AGBL4: variants seen among roughly 807,000 people sequenced by gnomAD.
AGBL4 encodes AGBL carboxypeptidase 4.
A neutral mutation model predicts 66.4 loss-of-function variants in AGBL4; 58 were observed. The ratio of observed to expected loss-of-function variants is 0.87; its 90% CI spans 0.71 to 1.09. The LOEUF is 1.09. Among genes scored for constraint, AGBL4 ranks in the 50% least tolerant of loss-of-function variants. The pLI is 0.00. For missense variants in AGBL4, 579 were observed against 631.0 expected (o/e 0.92, Z 0.88); for synonymous variants, 234 against 222.9 (o/e 1.05, Z -0.44).
At chr1:49,877,687 G>A (rs182811752) in intron 1 of AGBL4, among the ~76,000 whole-genome samples, 2 of 152,046 alleles carry the variant, frequency 1.3e-5, no homozygotes, top group South Asian at 2.1e-4. Flanking sequence ...ATGAGTTAGG[G>A]AGGATTCCCT....
intron 3 of AGBL4, among the ~76,000 whole-genome samples, chr1:49,535,837 G>T (rs548734544): frequency 2.6e-4 from 39 of 152,206 alleles, no homozygotes; most frequent in African/African-American, 9.4e-4. Flanking sequence ...GACTACAGGT[G>T]CCTGCCACCA....
chr1:49,269,547 A>G (rs1644007678), intron 3 of AGBL4, among the ~76,000 whole-genome samples: 1 of 152,154 alleles, frequency 6.6e-6, no homozygotes, highest in Non-Finnish European at 1.5e-5. Context: ...AATAACATTT[A>G]CTATCTATTC....
rs907889463 is a variant in AGBL4, at chr1:49,283,431, C to A, written c.283-37567G>T. Among the ~76,000 whole-genome samples the A allele has an allele frequency of 2.6e-5, 4 of 152,266 alleles. No homozygotes were observed. The East Asian group carries it at 5.8e-4, about 22-fold the overall frequency. On this transcript the variant is annotated intron_variant, in intron 3 of 13. Transcript: ENST00000371839. ...CTGCAAAGATGGGGAAAAAACAGAA[C>A]AGAAAAACGAAACTCTAAAACGCAG...
At chr1:48,957,296 G>A (rs1403695328) in intron 5 of AGBL4, among the ~76,000 whole-genome samples, 2 of 152,126 alleles carry the variant, frequency 1.3e-5, no homozygotes, top group Non-Finnish European at 2.9e-5. Flanking sequence ...GAACTTAGCT[G>A]TGTTGATATT....
At chr1:49,934,638 C>G (rs1430773886) in intron 1 of AGBL4, among the ~76,000 whole-genome samples, 1 of 151,954 alleles carries the variant, frequency 6.6e-6, no homozygotes, top group Non-Finnish European at 1.5e-5. Context: ...TATACCAAAA[C>G]CTGTGATGCA....
At chr1:49,212,885 C>A (rs1009159053) in intron 4 of AGBL4, among the ~76,000 whole-genome samples, 1 of 152,068 alleles carries the variant, frequency 6.6e-6, no homozygotes, top group African/African-American at 2.4e-5. Flanking sequence ...CCTTTTCCAT[C>A]CTTTACGCAT....
chr1:50,008,135 C>A (rs2148431138), intron 1 of AGBL4, among the ~76,000 whole-genome samples: 1 of 152,292 alleles, frequency 6.6e-6, no homozygotes, highest in African/African-American at 2.4e-5. Flanking sequence ...TACAGAACAT[C>A]AACAGATGCA....
chr1:49,814,183 C>CG (rs571607099), intron 2 of AGBL4, among the ~76,000 whole-genome samples: 1 of 152,018 alleles, frequency 6.6e-6, no homozygotes, highest in South Asian at 2.1e-4. Context: ...AATTGTGTAG[C>CG]CAGCAAAGAC....
In AGBL4 at chr1:49,744,752, A is replaced by G. The variant is rs912047072; in HGVS notation, c.158-47315T>C. ...ATTTACATTTATGAGCATACAATGC[A>G]TTAAGATATAATTATATAACAATAA... On this transcript the variant is annotated intron_variant, in intron 2 of 13. Coordinates refer to ENST00000371839, the MANE Select transcript of AGBL4 (RefSeq NM_032785.4). Among the ~76,000 whole-genome samples the G allele has an allele frequency of 7.2e-5, 11 of 152,258 alleles. No homozygotes were observed. In the South Asian group the frequency reaches 2.3e-3, roughly 32 times the overall value.
intron 4 of AGBL4, among the ~76,000 whole-genome samples, chr1:49,157,481 T>C (rs560747789): frequency 1.2e-3 from 176 of 152,312 alleles, no homozygotes; most frequent in African/African-American, 4.0e-3. Context: ...CAGTCTATCA[T>C]TGATGGGCAT....
chr1:49,265,775 T>C (rs1643906093), intron 3 of AGBL4, among the ~76,000 whole-genome samples: 1 of 152,194 alleles, frequency 6.6e-6, no homozygotes, highest in African/African-American at 2.4e-5. Flanking sequence ...ACATACAATT[T>C]ATAGATATGT....
intron 4 of AGBL4, among the ~76,000 whole-genome samples, chr1:49,089,600 TA>T (rs1382878151): frequency 6.6e-6 from 1 of 152,026 alleles, no homozygotes; most frequent in African/African-American, 2.4e-5. Flanking sequence ...GAATCAGTAA[TA>T]AAAAGTCTAC....
chr1:48,782,320 T>G (rs980313907), intron 6 of AGBL4, among the ~76,000 whole-genome samples: 1 of 152,250 alleles, frequency 6.6e-6, no homozygotes, highest in Non-Finnish European at 1.5e-5. Context: ...ACTCTCCTGT[T>G]GAGTTTTGCA....
chr1:49,771,100 A>G (rs747186584), intron 2 of AGBL4, among the ~76,000 whole-genome samples: 1 of 151,970 alleles, frequency 6.6e-6, no homozygotes, highest in Non-Finnish European at 1.5e-5. Flanking sequence ...TAGGTTATTC[A>G]TTAGACATCC....
At chr1:48,764,638 G>A (rs1407345333) in intron 6 of AGBL4, among the ~76,000 whole-genome samples, 1 of 152,222 alleles carries the variant, frequency 6.6e-6, no homozygotes, top group Non-Finnish European at 1.5e-5. Flanking sequence ...GTGTGCAGAT[G>A]TGGAATAAAC....
intron 2 of AGBL4, among the ~76,000 whole-genome samples, chr1:49,776,316 TA>T (rs1302054113): frequency 2.0e-5 from 3 of 152,154 alleles, no homozygotes; most frequent in African/African-American, 7.2e-5. Context: ...ATTCTAGTCT[TA>T]AAAATTCTTC....
chr1:49,793,344 C>T (rs182605737), intron 2 of AGBL4, among the ~76,000 whole-genome samples: 10 of 152,120 alleles, frequency 6.6e-5, no homozygotes, highest in Middle Eastern at 3.4e-3. Context: ...TGATACTAAA[C>T]GGATTTCTAG....
intron 2 of AGBL4, among the ~76,000 whole-genome samples, chr1:49,842,886 G>A (rs1372769129): frequency 6.6e-6 from 1 of 152,198 alleles, no homozygotes; most frequent in Non-Finnish European, 1.5e-5. Context: ...GCATCAGTCA[G>A]TTCTCGCATA....
intron 4 of AGBL4, among the ~76,000 whole-genome samples, chr1:49,123,113 A>G (rs1490691747): frequency 1.3e-5 from 2 of 152,170 alleles, no homozygotes; most frequent in African/African-American, 4.8e-5. Context: ...TTGGCCTCCC[A>G]AAGCGCTAGG....
Sources: gnomAD v4.1 joint callset for allele counts (sites outside exome capture counted in the v4.1 genomes callset) on GRCh38, gnomAD v4.1.1 for gene constraint, MANE v1.5 for transcripts, NCBI Gene and HGNC (gene_info 2026-07-23, HGNC 2026-07-21) for gene names.